Variants in PDIA5 observed in about 807,000 individuals in gnomAD.
PDIA5 encodes the protein protein disulfide isomerase family A member 5.
In PDIA5, 58 loss-of-function variants were observed where a neutral mutation model predicts 77.6. The ratio of observed to expected loss-of-function variants is 0.75; its 90% CI spans 0.61 to 0.93. The LOEUF (loss-of-function observed/expected upper bound fraction) is 0.93, where lower values mean the gene tolerates loss of function less well. Among genes scored for constraint, PDIA5 ranks in the 40% least tolerant of loss-of-function variants. The pLI is 0.00. For synonymous variants in PDIA5, 250 were observed against 252.1 expected, an observed-to-expected ratio of 0.99 and a Z score of 0.08; for missense variants, 630 against 647.7, an observed-to-expected ratio of 0.97 and a Z score of 0.30.
At chr3:123,079,281 C>T (rs1164809346) in intron 1 of PDIA5, among the ~76,000 whole-genome samples, 3 of 148,030 alleles carry the variant, frequency 2.0e-5, no homozygotes, top group Non-Finnish European at 4.5e-5. Context: ...CCTGGGTTCA[C>T]GCCATTCTCC....
chr3:123,116,708 G>A (rs1436985849), intron 8 of PDIA5, among the ~76,000 whole-genome samples: 1 of 152,184 alleles, frequency 6.6e-6, no homozygotes, highest in Admixed American at 6.5e-5. Flanking sequence ...TGGACCAGAA[G>A]CATAAAGGGG....
At chr3:123,120,059 G>T (rs193037530) in intron 8 of PDIA5, among the ~76,000 whole-genome samples, 5 of 152,214 alleles carry the variant, frequency 3.3e-5, no homozygotes, top group Non-Finnish European at 5.9e-5. Context: ...TAGCAGCCAC[G>T]CTGCCCCCAT....
intron 10 of PDIA5, among the ~76,000 whole-genome samples, chr3:123,128,503 A>ATTTTATAT (rs1436478277): frequency 6.6e-6 from 1 of 151,710 alleles, no homozygotes; most frequent in Non-Finnish European, 1.5e-5. Context: ...TTTATTTTTT[A>ATTTTATAT]TTTTTTATTT....
At chr3:123,128,021 G>GTC (rs1935283544) in intron 10 of PDIA5, among the ~76,000 whole-genome samples, 1 of 152,200 alleles carries the variant, frequency 6.6e-6, no homozygotes, top group Admixed American at 6.5e-5. Flanking sequence ...CTCTCACTCA[G>GTC]TCCCTCTCTT....
At chr3:123,137,543 G>A (rs1935530646) in intron 11 of PDIA5, among the ~76,000 whole-genome samples, 1 of 152,030 alleles carries the variant, frequency 6.6e-6, no homozygotes, top group Admixed American at 6.6e-5. Context: ...ATATTTATTG[G>A]TCACTGATCA....
chr3:123,068,110 C>T (rs559576920), intron 1 of PDIA5, among the ~76,000 whole-genome samples: 24 of 152,098 alleles, frequency 1.6e-4, no homozygotes, highest in Admixed American at 5.2e-4. Context: ...ATTGTGGCCT[C>T]CTTCCCCATC....
At chr3:123,120,691 T>A (rs1342371754) in intron 8 of PDIA5, among the ~76,000 whole-genome samples, 1 of 152,220 alleles carries the variant, frequency 6.6e-6, no homozygotes, top group Non-Finnish European at 1.5e-5. Flanking sequence ...CCATCTGGAT[T>A]TTTTCCCTTG....
chr3:123,156,883 G>C (rs1936031480), intron 15 of PDIA5, among the ~76,000 whole-genome samples: 1 of 152,208 alleles, frequency 6.6e-6, no homozygotes, highest in South Asian at 2.1e-4. Context: ...CTGTCCTGTG[G>C]CCTGACCCAC....
chr3:123,152,091 GCCTTCCTGCCTTCCTTCCTTCCTTCCTT>G (rs1935925994), intron 14 of PDIA5, among the ~76,000 whole-genome samples: 1 of 23,490 alleles, frequency 4.3e-5, no homozygotes, highest in South Asian at 1.5e-3. Context: ...CTTCCTTCCT[GCCTTCCTGCCTTCCTTCCTTCCTTCCTT>G]CCTTCCTGCC....
At chr3:123,087,967 G>A (rs1934184443) in intron 1 of PDIA5, among the ~76,000 whole-genome samples, 1 of 152,176 alleles carries the variant, frequency 6.6e-6, no homozygotes, top group South Asian at 2.1e-4. Context: ...CTGGCAGGTG[G>A]CATTCCAGAG....
At position 123,146,216 on chromosome 3, in the gene PDIA5, C is replaced by T. The variant is rs1393455463; in HGVS notation, c.1099C>T (p.Pro367Ser). 6.2e-7 allele frequency: 1 copy of T among 1,613,918 alleles called. No individual in the cohort carries two copies. Among genetic ancestry groups the T allele is most frequent in the African/African-American group, 1.3e-5 (1 of 75,046 alleles). Residue 367 changes from proline to serine, a missense_variant, in exon 13 of 17, where the codon CCT becomes TCT. Coordinates refer to ENST00000316218, the MANE Select transcript of PDIA5 (RefSeq NM_006810.4). ...TAAGAATGGAGAGAAATACGCAGTG[C>T]CTGTGCTCAGGACAAAGAAGAAGTT... is the stretch of plus-strand genomic sequence containing the variant. ...YFKNGEKYAV[P>S]VLRTKKKFLE... is the part of the protein sequence containing the mutation.
At chr3:123,121,712 G>A (rs372377938) in intron 8 of PDIA5, among the ~76,000 whole-genome samples, 65 of 152,362 alleles carry the variant, frequency 4.3e-4, no homozygotes, top group African/African-American at 1.5e-3. Flanking sequence ...GGAGAGAACA[G>A]CGAGTGTTCC....
chr3:123,100,714 C>T (rs1475386045), intron 3 of PDIA5, among the ~76,000 whole-genome samples: 1 of 152,232 alleles, frequency 6.6e-6, no homozygotes, highest in African/African-American at 2.4e-5. Context: ...TTGCAAATTG[C>T]ATCTTTACAC....
chr3:123,076,139 C>T (rs1022258396), intron 1 of PDIA5, among the ~76,000 whole-genome samples: 2 of 152,130 alleles, frequency 1.3e-5, no homozygotes, highest in Non-Finnish European at 1.5e-5. Context: ...GCCAGCCTCT[C>T]GGGTATTATT....
At chr3:123,090,597 C>G (rs938134852) in intron 2 of PDIA5, among the ~76,000 whole-genome samples, 2 of 152,140 alleles carry the variant, frequency 1.3e-5, no homozygotes, top group African/African-American at 4.8e-5. Context: ...TCCCCTATGC[C>G]CCGCTGTCTC....
At chr3:123,161,573 A>C in intron 16 of PDIA5, 118 bp downstream of exon 16, 1 of 1,142,928 alleles carries the variant, frequency 8.7e-7, no homozygotes, top group Non-Finnish European at 1.2e-6. Flanking sequence ...CAGCTGGAAC[A>C]CTGCACCGAG....
intron 11 of PDIA5, among the ~76,000 whole-genome samples, chr3:123,134,465 A>G (rs1935444739): frequency 6.6e-6 from 1 of 152,106 alleles, no homozygotes; most frequent in Admixed American, 6.5e-5. Context: ...GGCTCTCAGC[A>G]GGAAAGGCAC....
At position 123,145,588 on chromosome 3, in the gene PDIA5, C is replaced by T. The variant is rs1935747564; in HGVS notation, c.977C>T (p.Ala326Val). Residue 326 changes from alanine (A) to valine (V), a missense_variant, in exon 12 of 17, where the codon GCG becomes GTG. Coordinates refer to ENST00000316218, the MANE Select transcript of PDIA5 (RefSeq NM_006810.4). ...GCAGCAGAAGCCCTCCATGGAGAAGCGGATGTAAGCTTCCTTTCCTTCCCC... is the reference window on the plus strand; with the variant it reads ...GCAGCAGAAGCCCTCCATGGAGAAGTGGATGTAAGCTTCCTTTCCTTCCCC... ...EKAAEALHGE[A>V]DSSGVLAAVD... The T allele has an allele frequency of 1.2e-6, 2 of 1,611,226 alleles. No individual in the cohort carries two copies. Among genetic ancestry groups the T allele is most frequent in the African/African-American group, 1.3e-5 (1 of 74,980 alleles).
chr3:123,125,080 C>T (rs1935210814), intron 10 of PDIA5, among the ~76,000 whole-genome samples: 1 of 152,190 alleles, frequency 6.6e-6, no homozygotes, highest in Non-Finnish European at 1.5e-5. Flanking sequence ...CCCATTCCCA[C>T]TTCTCACCAG....
Sources: allele counts gnomAD v4.1 joint callset (sites outside exome capture counted in the v4.1 genomes callset), GRCh38; gene constraint gnomAD v4.1.1; transcripts MANE v1.5; gene names NCBI Gene and HGNC (gene_info 2026-07-23, HGNC 2026-07-21).